The following CLIC4 variants were observed in gnomAD, a reference collection of about 807,000 sequenced individuals.
The protein encoded by CLIC4 is chloride intracellular channel protein 4.
Under a neutral mutation model 24.6 loss-of-function variants are expected in CLIC4, and 13 were observed. That is an observed-to-expected ratio of 0.53 (90% confidence interval 0.34 to 0.84). CLIC4 has a LOEUF of 0.84. Among genes scored for constraint, CLIC4 ranks in the 40% least tolerant of loss-of-function variants. The pLI, the probability that CLIC4 is intolerant of heterozygous loss-of-function variation, is 0.01. For synonymous variants in CLIC4, 104 were observed against 111.3 expected, an observed-to-expected ratio of 0.93 and a Z score of 0.41; for missense variants, 227 against 301.7, an observed-to-expected ratio of 0.75 and a Z score of 1.83.
intron 1 of CLIC4, among the ~76,000 whole-genome samples, chr1:24,755,436 C>CA (rs796480286): frequency 0.019 from 1,656 of 85,704 alleles, 14 homozygotes; most frequent in African/African-American, 0.037. Context: ...GACTCTGTCT[C>CA]AAAAAAAAAA....
intron 1 of CLIC4, among the ~76,000 whole-genome samples, chr1:24,754,760 T>G (rs1638822643): frequency 6.6e-6 from 1 of 151,984 alleles, no homozygotes; most frequent in African/African-American, 2.4e-5. Context: ...TTCCAGATAT[T>G]GGTATAAGAA....
intron 1 of CLIC4, among the ~76,000 whole-genome samples, chr1:24,768,917 A>AG (rs1639040062): frequency 1.3e-5 from 2 of 151,792 alleles, no homozygotes; most frequent in African/African-American, 4.8e-5. Flanking sequence ...AAAAAAAAAA[A>AG]AAAGAAAAAG....
intron 1 of CLIC4, among the ~76,000 whole-genome samples, chr1:24,777,316 C>T (rs547055667): frequency 3.3e-5 from 5 of 152,128 alleles, no homozygotes; most frequent in Non-Finnish European, 7.4e-5. Context: ...GAGGCCAGGG[C>T]GGGCGGATCA....
At chr1:24,786,648 T>C (rs892598299) in intron 1 of CLIC4, among the ~76,000 whole-genome samples, 1 of 152,110 alleles carries the variant, frequency 6.6e-6, no homozygotes, top group Non-Finnish European at 1.5e-5. Flanking sequence ...GACGGAGTCT[T>C]GCTCTGTCGC....
At chr1:24,783,710 TAAA>T (rs1326939432) in intron 1 of CLIC4, among the ~76,000 whole-genome samples, 1 of 151,970 alleles carries the variant, frequency 6.6e-6, no homozygotes, top group Non-Finnish European at 1.5e-5. Flanking sequence ...CTCAAAAAAA[TAAA>T]AAAGAAAAAT....
At chr1:24,751,534 G>A (rs181757775) in intron 1 of CLIC4, among the ~76,000 whole-genome samples, 86 of 152,274 alleles carry the variant, frequency 5.6e-4, no homozygotes, top group Non-Finnish European at 1.9e-4. Context: ...CACCGTGCCA[G>A]TCTTTTATAT....
intron 3 of CLIC4, among the ~76,000 whole-genome samples, chr1:24,823,065 T>G (rs1639751076): frequency 6.6e-6 from 1 of 152,208 alleles, no homozygotes; most frequent in African/African-American, 2.4e-5. Context: ...TAGACTGGAA[T>G]CTAGCATTTC....
At chr1:24,809,164 G>A (rs1332813364) in intron 2 of CLIC4, among the ~76,000 whole-genome samples, 1 of 152,108 alleles carries the variant, frequency 6.6e-6, no homozygotes, top group Admixed American at 6.6e-5. Flanking sequence ...TTGGAGGTTA[G>A]GTTCTTACAG....
At chr1:24,771,026 C>G (rs1639064535) in intron 1 of CLIC4, among the ~76,000 whole-genome samples, 1 of 152,184 alleles carries the variant, frequency 6.6e-6, no homozygotes, top group African/African-American at 2.4e-5. Context: ...CCAAAGCATT[C>G]TTACAATAAT....
chr1:24,818,411 C>T (rs1639693042), intron 3 of CLIC4, among the ~76,000 whole-genome samples: 1 of 152,088 alleles, frequency 6.6e-6, no homozygotes, highest in South Asian at 2.1e-4. Flanking sequence ...TTCAGCCTCC[C>T]AAGTAGCTGG....
intron 1 of CLIC4, among the ~76,000 whole-genome samples, chr1:24,758,185 C>T (rs1334637406): frequency 6.6e-6 from 1 of 151,936 alleles, no homozygotes; most frequent in Non-Finnish European, 1.5e-5. Context: ...TGTCTTTTTT[C>T]CAGTTATAAA....
chr1:24,830,831 T>TA (rs1213175036), intron 4 of CLIC4, among the ~76,000 whole-genome samples: 2 of 152,326 alleles, frequency 1.3e-5, no homozygotes, highest in African/African-American at 2.4e-5. Context: ...TAGTGCTACT[T>TA]ATTAGCTATA....
At chr1:24,813,092 G>A (rs142865837) in intron 2 of CLIC4, among the ~76,000 whole-genome samples, 1,682 of 148,822 alleles carry the variant, frequency 0.011, 29 homozygotes, top group African/African-American at 0.039. Flanking sequence ...CGCCCAGGCT[G>A]GAGTGCTGTG....
intron 1 of CLIC4, among the ~76,000 whole-genome samples, chr1:24,797,038 C>T (rs901963292): frequency 1.3e-5 from 2 of 151,256 alleles, no homozygotes; most frequent in African/African-American, 4.8e-5. Context: ...ACTGCAACCT[C>T]TGTGTCCCGG....
At chr1:24,821,498 T>C (rs1639733675) in intron 3 of CLIC4, among the ~76,000 whole-genome samples, 1 of 152,120 alleles carries the variant, frequency 6.6e-6, no homozygotes, top group African/African-American at 2.4e-5. Flanking sequence ...GTGTGCCAAA[T>C]CCCCTGTAGG....
chr1:24,767,423 A>G lies in CLIC4; in HGVS notation c.72+21798A>G, dbSNP rs954940764. On this transcript the variant is annotated intron_variant, in intron 1 of 5. Coordinates refer to ENST00000374379, the MANE Select transcript of CLIC4 (RefSeq NM_013943.3). ...GCCTATGGTTAGTTTATTATATTCA[A>G]TATACCATATGTGGTTTCAACCTTC... 4.6e-5 allele frequency among the ~76,000 whole-genome samples: 7 copies of G among 152,334 alleles called. No homozygotes were observed. In the East Asian group the frequency reaches 1.3e-3, roughly 29 times the overall value.
rs1212033050 is a variant in CLIC4 at position 24,820,067 on chromosome 1, G to GTGTATATATATATATATATATATA, written c.308+5849_308+5850insGTATATATATATATATATATATAT. 2.7e-3 allele frequency among the ~76,000 whole-genome samples: 97 copies of GTGTATATATATATATATATATATA among 36,448 alleles called. 23 individuals are homozygous for GTGTATATATATATATATATATATA. Among genetic ancestry groups the GTGTATATATATATATATATATATA allele is most frequent in the South Asian group, 4.2e-3 (3 of 710 alleles). The allele number at this position is 36,448 out of a possible 152,430, so 23.9% of individuals were successfully genotyped here. On this transcript the variant is annotated intron_variant, in intron 3 of 5. Transcript: ENST00000374379. ...TACTTCAAAAAAAAAAAAAAAGTAT[G>GTGTATATATATATATATATATATA]TATATATATATGTATATATATATAT...
At chr1:24,794,718 C>T (rs902640911) in intron 1 of CLIC4, among the ~76,000 whole-genome samples, 16 of 152,136 alleles carry the variant, frequency 1.1e-4, no homozygotes, top group Admixed American at 9.2e-4. Context: ...TCCTGTTTGT[C>T]AACTTTCGTT....
At chr1:24,794,937 G>C (rs1444101936) in intron 1 of CLIC4, among the ~76,000 whole-genome samples, 1 of 152,142 alleles carries the variant, frequency 6.6e-6, no homozygotes, top group East Asian at 1.9e-4. Flanking sequence ...CAGCACCATT[G>C]ATTGAATATG....
Sources: gnomAD v4.1 joint callset for allele counts (sites outside exome capture counted in the v4.1 genomes callset) on GRCh38, gnomAD v4.1.1 for gene constraint, MANE v1.5 for transcripts, NCBI Gene and HGNC (gene_info 2026-07-23, HGNC 2026-07-21) for gene names.